Variants in SLC5A4 observed in about 807,000 individuals in gnomAD.
SLC5A4 encodes the protein probable glucose sensor protein SLC5A4.
SLC5A4 carries 55 observed loss-of-function variants against 70.3 expected under a neutral mutation model. The observed-to-expected ratio is 0.78, with a 90% CI of 0.63 to 0.98. The LOEUF (loss-of-function observed/expected upper bound fraction) is 0.98. Ranked by LOEUF, SLC5A4 falls within the 50% of genes least tolerant of loss-of-function variation. SLC5A4 has a pLI of 0.00. For missense variants in SLC5A4, 735 were observed against 839.2 expected (o/e 0.88, Z 1.53); for synonymous variants, 268 against 305.7 (o/e 0.88, Z 1.29).
At chr22:32,324,350 A>T in the SLC5A4 span, among the ~76,000 whole-genome samples, 48 of 151,832 alleles carry the variant, frequency 3.2e-4, no homozygotes, top group Non-Finnish European at 4.9e-4. Flanking sequence ...ATGACTTTTT[A>T]AAAAAAACAT....
the SLC5A4 span, among the ~76,000 whole-genome samples, chr22:32,294,218 C>T: frequency 6.6e-6 from 1 of 152,194 alleles, no homozygotes; most frequent in African/African-American, 2.4e-5. Flanking sequence ...CCTATGACTG[C>T]TAAGTACTTT....
At chr22:32,234,837 G>T in intron 8 of SLC5A4, 36 bp downstream of exon 8, 2 of 1,447,240 alleles carry the variant, frequency 1.4e-6, no homozygotes, top group South Asian at 2.3e-5. Flanking sequence ...CAGACAGACA[G>T]ACAGACAGAC....
the SLC5A4 span, among the ~76,000 whole-genome samples, chr22:32,261,355 T>C: frequency 6.6e-6 from 1 of 152,198 alleles, no homozygotes; most frequent in African/African-American, 2.4e-5. Context: ...CCCTACTCAG[T>C]CCACTTAGCT....
the SLC5A4 span, among the ~76,000 whole-genome samples, chr22:32,316,934 C>CTCTCTGTGTGTGTGTGTGTGTGTG: frequency 1.3e-5 from 2 of 148,730 alleles, no homozygotes; most frequent in Admixed American, 6.7e-5. Flanking sequence ...ATTAACAACT[C>CTCTCTGTGTGTGTGTGTGTGTGTG]TGTGTGTGTG....
At chr22:32,332,069 C>A in the SLC5A4 span, among the ~76,000 whole-genome samples, 2 of 152,040 alleles carry the variant, frequency 1.3e-5, no homozygotes, top group Non-Finnish European at 2.9e-5. Flanking sequence ...ATGGACTCCA[C>A]TCCCTGGTGC....
At chr22:32,273,399 T>C in the SLC5A4 span, 1 of 168,658 alleles carries the variant, frequency 5.9e-6, no homozygotes, top group Admixed American at 5.9e-5. Context: ...ATTAAATATG[T>C]GGTACACCTA....
the SLC5A4 span, among the ~76,000 whole-genome samples, chr22:32,324,884 C>A: frequency 5.3e-5 from 8 of 152,374 alleles, no homozygotes; most frequent in Non-Finnish European, 1.2e-4. Flanking sequence ...ATTGCACAGC[C>A]TTCTGGAAGG....
chr22:32,341,300 A>G, the SLC5A4 span, among the ~76,000 whole-genome samples: 1 of 152,058 alleles, frequency 6.6e-6, no homozygotes, highest in East Asian at 1.9e-4. Flanking sequence ...CTCTAAGATC[A>G]GGGAGATGAG....
the SLC5A4 span, among the ~76,000 whole-genome samples, chr22:32,337,447 T>C: frequency 2.6e-5 from 4 of 152,018 alleles, no homozygotes; most frequent in African/African-American, 7.2e-5. Flanking sequence ...TTCAAGAGAA[T>C]TGCTTGAACC....
In SLC5A4 at chr22:32,227,139, G is replaced by T. The variant is rs73395055; in HGVS notation, c.1281-1316C>A. On this transcript the variant is annotated intron_variant, in intron 11 of 14. Transcript: ENST00000266086. ...CCTGACAAAGGCATATATTCCACAAGGCAAGAATTTTAAAAACGTACATGT... is the reference window on the plus strand; with the variant it reads ...CCTGACAAAGGCATATATTCCACAATGCAAGAATTTTAAAAACGTACATGT... Among the ~76,000 whole-genome samples the T allele has an allele frequency of 5.4e-3, 815 of 152,170 alleles. 10 individuals carry two copies. Among genetic ancestry groups the T allele is most frequent in the African/African-American group, 0.018 (766 of 41,498 alleles).
chr22:32,251,149 C>CAAAAAAAAAAAAAAAAAA (rs1169115054), intron 3 of SLC5A4, among the ~76,000 whole-genome samples: 27 of 22,756 alleles, frequency 1.2e-3, no homozygotes, highest in East Asian at 7.0e-3. Context: ...AACAAATAAG[C>CAAAAAAAAAAAAAAAAAA]AAAAAAAAAA....
At chr22:32,315,440 T>C in the SLC5A4 span, among the ~76,000 whole-genome samples, 5 of 151,684 alleles carry the variant, frequency 3.3e-5, no homozygotes, top group Non-Finnish European at 5.9e-5. Context: ...CAAAAAATAA[T>C]CAACTAAAAT....
chr22:32,262,804 C>T, the SLC5A4 span, among the ~76,000 whole-genome samples: 2 of 152,104 alleles, frequency 1.3e-5, no homozygotes, highest in Non-Finnish European at 2.9e-5. Flanking sequence ...GAGTCTCACT[C>T]TGTTGCCCAG....
chr22:32,308,522 G>C, the SLC5A4 span, among the ~76,000 whole-genome samples: 38 of 152,338 alleles, frequency 2.5e-4, no homozygotes, highest in South Asian at 6.2e-4. Flanking sequence ...GACCTGAAGA[G>C]AGCTTTTGGG....
At chr22:32,330,951 G>GTGT in the SLC5A4 span, among the ~76,000 whole-genome samples, 1 of 55,784 alleles carries the variant, frequency 1.8e-5, no homozygotes, top group Non-Finnish European at 3.6e-5. Context: ...TGGAGGCTCT[G>GTGT]GTGTGTGTGT....
chr22:32,322,094 T>C, the SLC5A4 span, among the ~76,000 whole-genome samples: 1 of 152,180 alleles, frequency 6.6e-6, no homozygotes, highest in East Asian at 1.9e-4. Flanking sequence ...CCACTGATGT[T>C]GGAGCTAGGG....
At chr22:32,257,285 A>C (rs1927535954), upstream of SLC5A4, among the ~76,000 whole-genome samples, 1 of 152,260 alleles carries the variant, frequency 6.6e-6, no homozygotes, top group Non-Finnish European at 1.5e-5. Context: ...CTTGTGGAGC[A>C]GGACTACCTC....
At chr22:32,224,103 G>T (rs1372790743) in intron 13 of SLC5A4, among the ~76,000 whole-genome samples, 164 bp downstream of exon 13, 1 of 152,102 alleles carries the variant, frequency 6.6e-6, no homozygotes, top group African/African-American at 2.4e-5. Flanking sequence ...TGTATTTTTA[G>T]TAGAGACAAG....
chr22:32,303,484 G>A, the SLC5A4 span, among the ~76,000 whole-genome samples: 1 of 152,290 alleles, frequency 6.6e-6, no homozygotes, highest in African/African-American at 2.4e-5. Context: ...ATCAGACATG[G>A]CATTTGTCTC....
Sources: gnomAD v4.1 joint callset for allele counts (sites outside exome capture counted in the v4.1 genomes callset) on GRCh38, gnomAD v4.1.1 for gene constraint, MANE v1.5 for transcripts, NCBI Gene and HGNC (gene_info 2026-07-23, HGNC 2026-07-21) for gene names.